The following CNTNAP1 variants were observed in gnomAD, a reference collection of about 807,000 sequenced individuals.
CNTNAP1 encodes the protein contactin-associated protein 1.
CNTNAP1 carries 80 observed loss-of-function variants against 161.5 expected under a neutral mutation model. The ratio of observed to expected loss-of-function variants is 0.50; its 90% CI spans 0.41 to 0.60. The LOEUF is 0.60. Among genes scored for constraint, CNTNAP1 ranks in the 20% least tolerant of loss-of-function variants. The pLI, the probability that CNTNAP1 is intolerant of heterozygous loss-of-function variation, is 0.00. For missense variants in CNTNAP1, 1,464 were observed against 1,854.8 expected (o/e 0.79, Z 3.87); for synonymous variants, 695 against 733.1 (o/e 0.95, Z 0.84).
rs2053186567 is a variant in CNTNAP1, at chr17:42,698,737, C to G, written c.3982C>G (p.Pro1328Ala). The G allele has an allele frequency of 6.2e-7, 1 of 1,613,436 alleles. No homozygotes were observed. Residue 1328 changes from proline (P) to alanine (A), a missense_variant, in exon 24 of 24, where the codon CCT (proline) becomes GCT (alanine). By Grantham distance (27) the Pro-to-Ala change is conservative (BLOSUM62 -1). Coordinates refer to ENST00000264638, the MANE Select transcript of CNTNAP1 (RefSeq NM_003632.3). Reference protein sequence around the residue: ...NEPKAAHEYHPGSKPPLPTSG... With the variant: ...NEPKAAHEYHAGSKPPLPTSG... The stretch of plus-strand genomic sequence containing the variant: ...GCCCAAGGCTGCCCACGAGTACCAT[C>G]CTGGCAGCAAACCTCCCCTACCCAC...
chr17:42,695,844 G>T lies in CNTNAP1; in HGVS notation c.3316G>T (p.Asp1106Tyr), dbSNP rs1555644047. 6.2e-7 allele frequency: 1 copy of T among 1,614,086 alleles called. No individual in the cohort carries two copies. The highest frequency in any genetic ancestry group is 1.1e-5 in the South Asian group (1 of 91,074). Reference sequence around the variant, plus strand: ...GCTCTACGTCAGTTCCTTTGTTCGTGACTACATGGCTGTGCTCATCAAGGA... The same window carrying T: ...GCTCTACGTCAGTTCCTTTGTTCGTTACTACATGGCTGTGCTCATCAAGGA... ...VLLYVSSFVR[D>Y]YMAVLIKDDG... is the part of the protein sequence containing the mutation. The change falls in exon 19 of 24, where the codon GAC becomes TAC. Residue 1106 changes from aspartate to tyrosine, a missense_variant. By Grantham distance (160) the Asp-to-Tyr change is radical (BLOSUM62 -3). This residue lies in a region of CNTNAP1 where 1,383 missense variants were observed against 1,765.0 expected (regional missense o/e 0.78). Coordinates refer to ENST00000264638, the MANE Select transcript of CNTNAP1 (RefSeq NM_003632.3).
At chr17:42,692,149 C>T (rs1042818107) in intron 16 of CNTNAP1, among the ~76,000 whole-genome samples, 158 bp downstream of exon 16, 8 of 152,198 alleles carry the variant, frequency 5.3e-5, no homozygotes, top group Non-Finnish European at 1.2e-4. Context: ...TCGGTCTTGA[C>T]GGCTGGCTGG....
At chr17:42,688,346 C>A in intron 8 of CNTNAP1, 116 bp from the exon 9 acceptor site, 1 of 1,374,250 alleles carries the variant, frequency 7.3e-7, no homozygotes, top group Non-Finnish European at 1.0e-6. Context: ...AGTGTAATCA[C>A]GGGGGCACAC....
In CNTNAP1 at chr17:42,685,188, T is replaced by TC. The variant is rs763999034; in HGVS notation, c.512-26dup. 6.2e-7 allele frequency: 1 copy of TC among 1,612,328 alleles called. No homozygotes were observed. The highest frequency in any genetic ancestry group is 8.5e-7 in the Non-Finnish European group (1 of 1,179,246). On this transcript the variant is annotated intron_variant, in intron 4 of 23. Coordinates refer to ENST00000264638, the MANE Select transcript of CNTNAP1 (RefSeq NM_003632.3). The surrounding 1 kb of genome is among the most constrained non-coding windows in gnomAD (Gnocchi z 5.0). ...GGGCCTGGGAGACAGCCTCCCCAGT[T>TC]CCCGGCCCACCTACGGTCCTTTGCG...
intron 8 of CNTNAP1, 131 bp downstream of exon 8, chr17:42,688,112 C>T (rs1567971594): frequency 1.5e-6 from 2 of 1,344,602 alleles, no homozygotes; most frequent in Non-Finnish European, 1.0e-6. Context: ...GCAGGAGGCC[C>T]CAGGGTACTG....
rs1336534511 is a variant in CNTNAP1 at position 42,695,644 on chromosome 17, A to C, written c.3116A>C (p.Tyr1039Ser). The C allele has an allele frequency of 6.2e-7, 1 of 1,614,138 alleles. No homozygotes were observed. The highest frequency in any genetic ancestry group is 8.5e-7 in the Non-Finnish European group (1 of 1,180,004). ...SRPVPGYEPG[Y>S]IPGYDTPGYV... Reference sequence around the variant, plus strand: ...CCAGTGCCAGGCTATGAGCCTGGCTACATCCCGGGCTATGATACTCCGGGC... The same window carrying C: ...CCAGTGCCAGGCTATGAGCCTGGCTCCATCCCGGGCTATGATACTCCGGGC... The change falls in exon 19 of 24, where the codon TAC (tyrosine) becomes TCC (serine). Residue 1039 changes from tyrosine (Y) to serine (S), a missense_variant. By Grantham distance (144) the Tyr-to-Ser change is moderately radical. Coordinates refer to ENST00000264638, the MANE Select transcript of CNTNAP1 (RefSeq NM_003632.3).
rs1423800236 is a variant in CNTNAP1, at chr17:42,686,121, A to T, written c.880A>T (p.Arg294Trp). The change falls in exon 6 of 24, where the codon AGG becomes TGG. Residue 294 changes from arginine to tryptophan, a missense_variant. Physicochemically the swap from Arg to Trp is moderately radical, Grantham distance 101. Coordinates refer to ENST00000264638, the MANE Select transcript of CNTNAP1 (RefSeq NM_003632.3). ...QRFILNGDFE[R>W]LNLDTEMFIG... ...CTTTATTCTCAATGGAGACTTCGAG[A>T]GGCTGAACCTGGACACTGAGGTGAG... 1 of 1,614,106 alleles carries T rather than the reference A, an allele frequency of 6.2e-7. No homozygotes were observed. Among genetic ancestry groups the T allele is most frequent in the African/African-American group, 1.3e-5 (1 of 74,934 alleles).
Position 42,683,624 on chromosome 17 carries a change from G to A in CNTNAP1, c.68-197G>A, listed in dbSNP as rs2052966474. ...TGTAGCCTAGGGGTTTGCCTAGAAG[G>A]AGAAGGTAGCCTCCTCTGAGCATGC... On this transcript the variant is annotated intron_variant, in intron 1 of 23. Coordinates refer to ENST00000264638, the MANE Select transcript of CNTNAP1 (RefSeq NM_003632.3). 4 of 1,427,218 alleles carry A rather than the reference G, an allele frequency of 2.8e-6. No individual in the cohort carries two copies. In the African/African-American group the frequency reaches 4.3e-5, roughly 15 times the overall value. 88.4% of individuals were successfully genotyped at this position (1,427,218 alleles called of 1,614,324 possible).
rs544356017 is a variant in CNTNAP1, at chr17:42,699,087, T to C, written c.*177T>C. 1.3e-4 allele frequency: 68 copies of C among 513,486 alleles called. No homozygotes were observed. In the Middle Eastern group the frequency reaches 1.5e-3, roughly 11 times the overall value. The allele number at this position is 513,486 out of a possible 1,614,324, so 31.8% of individuals were successfully genotyped here. ...GAGCTACAGATGGGACCCAAGGGAG[T>C]GGCCGAGCCTCACTGCCTAAACCAA... On this transcript the variant is annotated 3_prime_UTR_variant, in exon 24 of 24. Transcript: ENST00000264638.
chr17:42,688,806 T>TTTGCTCCC, intron 9 of CNTNAP1, 70 bp from the exon 10 acceptor site: 1 of 1,577,144 alleles, frequency 6.3e-7, no homozygotes, highest in Non-Finnish European at 8.7e-7. Flanking sequence ...TGGCTCCCCC[T>TTTGCTCCC]CAGCATGTCC....
chr17:42,689,304 G>C (rs1003748311), intron 10 of CNTNAP1, among the ~76,000 whole-genome samples: 15 of 152,160 alleles, frequency 9.9e-5, no homozygotes, highest in Middle Eastern at 3.4e-3. Flanking sequence ...GTAGAATAAG[G>C]CATGTTTTGA....
At position 42,690,079 on chromosome 17, in the gene CNTNAP1, A is replaced by G. The variant is rs775932384; in HGVS notation, c.1736-9A>G. 10 of 1,613,060 alleles carry G rather than the reference A, an allele frequency of 6.2e-6. No homozygotes were observed. The East Asian group carries it at 2.2e-4, about 36-fold the overall frequency. On this transcript the variant is annotated splice_polypyrimidine_tract_variant and intron_variant, in intron 11 of 23. Coordinates refer to ENST00000264638, the MANE Select transcript of CNTNAP1 (RefSeq NM_003632.3). ...CTAACTGCCTTTGTCTCAACCTATT[A>G]TCTGCCAGCTTTGTATAAGGAATCC...
At position 42,682,705 on chromosome 17, in the gene CNTNAP1, G is replaced by T. The variant is rs2052950494; in HGVS notation, c.-125G>T. 1.1e-6 allele frequency: 1 copy of T among 877,102 alleles called. No homozygotes were observed. The highest frequency in any genetic ancestry group is 1.7e-5 in the African/African-American group (1 of 60,026). 54.3% of individuals were successfully genotyped at this position (877,102 alleles called of 1,614,324 possible). On this transcript the variant is annotated 5_prime_UTR_variant, in exon 1 of 24. Transcript: ENST00000264638. ...GGGCGAAAGGAGAGAGGGAGGGAAG[G>T]GTGGGTAAGGAGGAGAGAGCGGTCT...
At position 42,691,769 on chromosome 17, in the gene CNTNAP1, T is replaced by C; in HGVS notation, c.2345-37T>C. On this transcript the variant is annotated intron_variant, in intron 15 of 23. Transcript: ENST00000264638. The surrounding 1 kb of genome is among the most constrained non-coding windows in gnomAD (Gnocchi z 4.3). ...GTTCTCTTCCTCCTCCACCCTCCAA[T>C]CTCCCTGACAAGACCTTCCTCCATC... The C allele has an allele frequency of 6.3e-7, 1 of 1,595,462 alleles. No individual in the cohort carries two copies. Among genetic ancestry groups the C allele is most frequent in the South Asian group, 1.1e-5 (1 of 90,566 alleles).
chr17:42,697,240 C>G (rs1404103828), intron 20 of CNTNAP1, 34 bp from the exon 21 acceptor site: 1 of 1,488,130 alleles, frequency 6.7e-7, no homozygotes, highest in Non-Finnish European at 9.4e-7. Context: ...TCCCCGCTCC[C>G]TCATCGCCCT....
At position 42,691,610 on chromosome 17, in the gene CNTNAP1, G is replaced by A. The variant is rs750292670; in HGVS notation, c.2344+99G>A. 3.7e-5 allele frequency: 56 copies of A among 1,531,196 alleles called. No homozygotes were observed. Among genetic ancestry groups the A allele is most frequent in the African/African-American group, 6.8e-5 (5 of 73,006 alleles). 94.9% of individuals were successfully genotyped at this position (1,531,196 alleles called of 1,614,324 possible). On this transcript the variant is annotated intron_variant, in intron 15 of 23. Coordinates refer to ENST00000264638, the MANE Select transcript of CNTNAP1 (RefSeq NM_003632.3). This position sits in a 1 kb window ranked among gnomAD's most constrained non-coding sequence, Gnocchi z 4.3. The stretch of plus-strand genomic sequence containing the variant: ...CTGGTGGTCTCTAGCTGGGGTGCCC[G>A]ACCCCCAGCTCCTGCTGTGATGCGA...
In CNTNAP1 at chr17:42,685,464, C is replaced by A; in HGVS notation, c.715+44C>A. On this transcript the variant is annotated intron_variant, in intron 5 of 23. Transcript: ENST00000264638. This position sits in a 1 kb window ranked among gnomAD's most constrained non-coding sequence, Gnocchi z 5.0. The stretch of plus-strand genomic sequence containing the variant: ...TGCGATGCGGAGCCAACCCCTGAAG[C>A]TCTCTCACCGCCCTCCTCGTGGCAC... The A allele has an allele frequency of 1.3e-6, 2 of 1,553,162 alleles. No individual in the cohort carries two copies. The highest frequency in any genetic ancestry group is 1.1e-5 in the South Asian group (1 of 88,134).
chr17:42,683,785 G>A, intron 1 of CNTNAP1, 36 bp from the exon 2 acceptor site: 1 of 1,577,050 alleles, frequency 6.3e-7, no homozygotes. Context: ...TCTGGGAGGG[G>A]CCAGCGCTGA....
chr17:42,698,067 G>A, intron 23 of CNTNAP1, 117 bp downstream of exon 23: 2 of 1,144,284 alleles, frequency 1.7e-6, no homozygotes. Flanking sequence ...ATGCACAATG[G>A]CACAAAGGAT....
Sources: gnomAD v4.1 joint callset for allele counts (sites outside exome capture counted in the v4.1 genomes callset) on GRCh38, gnomAD v4.1.1 for gene constraint, gnomAD v4.1.1 regional missense constraint, Gnocchi (gnomAD v3.1) non-coding constraint, MANE v1.5 for transcripts, NCBI Gene and HGNC (gene_info 2026-07-23, HGNC 2026-07-21) for gene names.